The following JAM3 variants were observed in gnomAD, a reference collection of about 807,000 sequenced individuals.
The protein encoded by JAM3 is junctional adhesion molecule C.
JAM3 carries 31 observed loss-of-function variants against 39.4 expected under a neutral mutation model. The observed-to-expected ratio is 0.79, with a 90% CI of 0.59 to 1.06. JAM3 has a LOEUF of 1.06. JAM3 is among the 50% of genes least tolerant of loss of function. JAM3 has a pLI of 0.00. For missense variants in JAM3, 455 were observed against 391.4 expected, an observed-to-expected ratio of 1.16 and a Z score of -1.37; for synonymous variants, 182 against 148.7, an observed-to-expected ratio of 1.22 and a Z score of -1.63.
intron 6 of JAM3, among the ~76,000 whole-genome samples, chr11:134,147,525 C>A (rs1036217050): frequency 1.3e-5 from 2 of 149,948 alleles, no homozygotes; most frequent in African/African-American, 4.9e-5. Context: ...CTCGCTCTGT[C>A]ACCCAGGCTG....
intron 1 of JAM3, among the ~76,000 whole-genome samples, chr11:134,078,561 A>G (rs1446273586): frequency 6.6e-6 from 1 of 152,226 alleles, no homozygotes; most frequent in Admixed American, 6.5e-5. Context: ...AATAAAAACT[A>G]TGACTTATGT....
chr11:134,146,272 G>C (rs1259469356), intron 6 of JAM3, among the ~76,000 whole-genome samples: 1 of 152,134 alleles, frequency 6.6e-6, no homozygotes, highest in Non-Finnish European at 1.5e-5. Context: ...TGCTGGTGTT[G>C]GGAACGTGGC....
chr11:134,139,701 C>T, intron 1 of JAM3, 150 bp from the exon 2 acceptor site: 2 of 684,348 alleles, frequency 2.9e-6, no homozygotes, highest in South Asian at 3.2e-5. Context: ...GTTAACTTGG[C>T]TTACCTAAGA....
chr11:134,131,784 A>G (rs1234986721), intron 1 of JAM3, among the ~76,000 whole-genome samples: 4 of 152,252 alleles, frequency 2.6e-5, no homozygotes, highest in African/African-American at 9.6e-5. Flanking sequence ...TGGAACTGAA[A>G]ATACAATAAC....
At chr11:134,141,971 T>C (rs1942981982) in intron 3 of JAM3, among the ~76,000 whole-genome samples, 1 of 151,720 alleles carries the variant, frequency 6.6e-6, no homozygotes, top group South Asian at 2.1e-4. Context: ...AGCCTGAGTC[T>C]CCTCAAAAGA....
intron 1 of JAM3, chr11:134,070,252 C>T (rs1251275012): frequency 8.8e-6 from 4 of 455,882 alleles, no homozygotes; most frequent in Non-Finnish European, 1.8e-5. Context: ...CAGGACACCA[C>T]ACTCTTCCCC....
At chr11:134,086,984 T>C (rs630896) in intron 1 of JAM3, among the ~76,000 whole-genome samples, 5,998 of 152,172 alleles carry the variant, frequency 0.039, 305 homozygotes, top group East Asian at 0.25. Context: ...TTTTAATTTT[T>C]TGTGGAGATG....
chr11:134,122,950 A>G (rs575256229), intron 1 of JAM3, among the ~76,000 whole-genome samples: 1 of 152,278 alleles, frequency 6.6e-6, no homozygotes, highest in East Asian at 1.9e-4. Flanking sequence ...TTAGAAGACA[A>G]GTTTCTGGGA....
In JAM3 at chr11:134,144,970, C is replaced by G. The variant is rs1304664976; in HGVS notation, c.588C>G (p.His196Gln). ...ANPRFRNSSF[H>Q]LNSETGTLVF... is the part of the protein sequence containing the mutation. ...CCAGATTTCGCAATTCTTCTTTCCA[C>G]TTAAACTCTGAAACAGGCACTTTGG... is the stretch of plus-strand genomic sequence containing the variant. The change falls in exon 5 of 9, where the codon CAC becomes CAG. Residue 196 changes from histidine (H) to glutamine (Q), a missense_variant. His to Gln is a conservative substitution (Grantham distance 24). Transcript: ENST00000299106. 11 of 1,614,082 alleles carry G rather than the reference C, an allele frequency of 6.8e-6. No individual in the cohort carries two copies. The highest frequency in any genetic ancestry group is 9.3e-6 in the Non-Finnish European group (11 of 1,179,916).
At chr11:134,103,061 C>T (rs1176038028) in intron 1 of JAM3, among the ~76,000 whole-genome samples, 1 of 152,126 alleles carries the variant, frequency 6.6e-6, no homozygotes, top group Non-Finnish European at 1.5e-5. Context: ...ACATAATTGC[C>T]AGATTCACCA....
chr11:134,147,368 C>T (rs750169122), intron 6 of JAM3, among the ~76,000 whole-genome samples: 60 of 145,850 alleles, frequency 4.1e-4, no homozygotes, highest in Admixed American at 2.0e-4. Context: ...GCAGAAGGAT[C>T]CCTTGAACCC....
At chr11:134,087,687 G>A (rs1005639973) in intron 1 of JAM3, among the ~76,000 whole-genome samples, 2 of 152,176 alleles carry the variant, frequency 1.3e-5, no homozygotes, top group Non-Finnish European at 2.9e-5. Context: ...ATGATCAGGG[G>A]ACCCAGGTTT....
intron 1 of JAM3, 147 bp from the exon 2 acceptor site, chr11:134,139,704 A>AC (rs1942939466): frequency 2.9e-6 from 2 of 696,526 alleles, no homozygotes; most frequent in Non-Finnish European, 5.2e-6. Flanking sequence ...AACTTGGCTT[A>AC]CCTAAGAGAC....
chr11:134,112,886 C>G (rs1942344849), intron 1 of JAM3, among the ~76,000 whole-genome samples: 3 of 152,144 alleles, frequency 2.0e-5, no homozygotes, highest in Admixed American at 2.0e-4. Flanking sequence ...AAAATCTTGT[C>G]TCATTTGAGG....
chr11:134,129,162 C>T (rs1942713610), intron 1 of JAM3, among the ~76,000 whole-genome samples: 1 of 150,870 alleles, frequency 6.6e-6, no homozygotes, highest in South Asian at 2.1e-4. Context: ...CTCTGTTGCC[C>T]AGGTTGGAGT....
intron 6 of JAM3, among the ~76,000 whole-genome samples, 163 bp downstream of exon 6, chr11:134,146,208 C>T (rs1245814710): frequency 6.6e-6 from 1 of 152,202 alleles, no homozygotes; most frequent in African/African-American, 2.4e-5. Context: ...GAAGGGAAGG[C>T]TGAGAAAACC....
chr11:134,091,623 C>G (rs1941855756), intron 1 of JAM3, among the ~76,000 whole-genome samples: 1 of 54,930 alleles, frequency 1.8e-5, no homozygotes, highest in African/African-American at 5.1e-5. Flanking sequence ...GAGTAAAACC[C>G]CGTGTCAAAA....
chr11:134,110,272 G>A (rs1942284341), intron 1 of JAM3, among the ~76,000 whole-genome samples: 1 of 152,098 alleles, frequency 6.6e-6, no homozygotes, highest in African/African-American at 2.4e-5. Context: ...TGAAAAGATA[G>A]ACCTATTATT....
At chr11:134,138,517 C>T (rs984810780) in intron 1 of JAM3, among the ~76,000 whole-genome samples, 2 of 152,112 alleles carry the variant, frequency 1.3e-5, no homozygotes, top group Non-Finnish European at 2.9e-5. Context: ...TGGCCACTTT[C>T]CTTAGAAGGA....
Sources: allele counts gnomAD v4.1 joint callset (sites outside exome capture counted in the v4.1 genomes callset), GRCh38; gene constraint gnomAD v4.1.1; transcripts MANE v1.5; gene names NCBI Gene and HGNC (gene_info 2026-07-23, HGNC 2026-07-21).